The following PPP2R5A variants were observed in gnomAD, a reference collection of about 807,000 sequenced individuals.
The protein encoded by PPP2R5A is serine/threonine-protein phosphatase 2A 56 kDa regulatory subunit alpha isoform.
A neutral mutation model predicts 64.2 loss-of-function variants in PPP2R5A; 25 were observed. The observed-to-expected ratio is 0.39, with a 90% confidence interval of 0.28 to 0.54. The LOEUF (loss-of-function observed/expected upper bound fraction) is 0.54. PPP2R5A is among the 20% of genes least tolerant of loss of function. The probability of loss-of-function intolerance (pLI) is 0.67; values close to 1 mark genes in which losing one functional copy is unlikely to be tolerated. For missense variants in PPP2R5A, 425 were observed against 576.3 expected, an observed-to-expected ratio of 0.74 and a Z score of 2.69; for synonymous variants, 198 against 201.2, an observed-to-expected ratio of 0.98 and a Z score of 0.13.
At chr1:212,286,503 C>G (rs560049501) in intron 1 of PPP2R5A, among the ~76,000 whole-genome samples, 1 of 152,288 alleles carries the variant, frequency 6.6e-6, no homozygotes, top group East Asian at 1.9e-4. Context: ...CCTTCTAATT[C>G]CCACCTGAAC....
intron 4 of PPP2R5A, 95 bp downstream of exon 4, chr1:212,342,375 T>C (rs1659700492): frequency 7.0e-7 from 1 of 1,428,710 alleles, no homozygotes; most frequent in African/African-American, 1.4e-5. Flanking sequence ...AAAACTTTAA[T>C]GGTTTAATTT....
chr1:212,323,741 C>T (rs1659356312), intron 1 of PPP2R5A, among the ~76,000 whole-genome samples: 1 of 152,096 alleles, frequency 6.6e-6, no homozygotes, highest in Non-Finnish European at 1.5e-5. Context: ...TAGAGGAGAC[C>T]CAGGAGTTAG....
intron 3 of PPP2R5A, among the ~76,000 whole-genome samples, chr1:212,335,438 G>A (rs530157532): frequency 1.9e-4 from 28 of 149,930 alleles, no homozygotes; most frequent in African/African-American, 6.6e-4. Flanking sequence ...TTGCGCCATT[G>A]CACTCCAGCC....
chr1:212,348,062 A>G (rs701907), intron 6 of PPP2R5A, among the ~76,000 whole-genome samples: 126,682 of 152,150 alleles, frequency 0.83, 53,154 homozygotes, highest in African/African-American at 0.94. Context: ...AATATTGAAC[A>G]TTCTAACAAT....
chr1:212,311,841 C>CT (rs1447492727), intron 1 of PPP2R5A, among the ~76,000 whole-genome samples: 3 of 152,078 alleles, frequency 2.0e-5, no homozygotes, highest in Admixed American at 6.5e-5. Flanking sequence ...GTGTTTTAAG[C>CT]TATGTTATTG....
intron 1 of PPP2R5A, among the ~76,000 whole-genome samples, chr1:212,325,115 AC>A (rs1158339171): frequency 1.3e-5 from 2 of 152,116 alleles, no homozygotes; most frequent in Non-Finnish European, 2.9e-5. Flanking sequence ...TAAAAAGGAA[AC>A]CCTGCTCAGT....
At chr1:212,311,001 C>G (rs1239026301) in intron 1 of PPP2R5A, among the ~76,000 whole-genome samples, 1 of 152,134 alleles carries the variant, frequency 6.6e-6, no homozygotes, top group Non-Finnish European at 1.5e-5. Flanking sequence ...CAGTCATGTG[C>G]TGCATAACGA....
At chr1:212,300,771 C>T (rs181506872) in intron 1 of PPP2R5A, among the ~76,000 whole-genome samples, 57 of 151,962 alleles carry the variant, frequency 3.8e-4, no homozygotes, top group Non-Finnish European at 5.3e-4. Flanking sequence ...AAGTTTCTTA[C>T]GTTTAATGGA....
At chr1:212,327,859 G>A (rs1659434082) in intron 1 of PPP2R5A, among the ~76,000 whole-genome samples, 2 of 152,226 alleles carry the variant, frequency 1.3e-5, no homozygotes, top group South Asian at 4.1e-4. Flanking sequence ...CTGTTGCCCA[G>A]GCTGGAATGC....
intron 4 of PPP2R5A, among the ~76,000 whole-genome samples, chr1:212,345,450 T>C (rs774253388): frequency 3.6e-4 from 55 of 152,286 alleles, no homozygotes; most frequent in Non-Finnish European, 6.6e-4. Flanking sequence ...CTATGTAGTT[T>C]TGACGATCAA....
At chr1:212,332,483 A>G (rs553312831) in intron 2 of PPP2R5A, among the ~76,000 whole-genome samples, 2 of 152,350 alleles carry the variant, frequency 1.3e-5, no homozygotes, top group African/African-American at 4.8e-5. Flanking sequence ...TATTTACCTT[A>G]GTACTAAGAT....
Position 212,308,230 on chromosome 1 carries a change from A to G in PPP2R5A, c.182-20905A>G, listed in dbSNP as rs1043050235. ...CTCAGTTGTTTTTGCTAAGAAGTCA[A>G]TTGTTATCTTAGCCCTTGAAAGTAA... is the stretch of plus-strand genomic sequence containing the variant. On this transcript the variant is annotated intron_variant, in intron 1 of 12. Transcript: ENST00000261461. Among the ~76,000 whole-genome samples the G allele has an allele frequency of 3.9e-5, 6 of 152,060 alleles. No individual in the cohort carries two copies. The South Asian group carries it at 6.2e-4, about 16-fold the overall frequency.
intron 1 of PPP2R5A, among the ~76,000 whole-genome samples, chr1:212,304,754 A>T (rs1259336007): frequency 2.6e-4 from 37 of 143,882 alleles, no homozygotes; most frequent in Non-Finnish European, 4.3e-4. Flanking sequence ...TTTTTTGAGA[A>T]CAGAGTCTCA....
chr1:212,321,999 A>C (rs1307234040), intron 1 of PPP2R5A, among the ~76,000 whole-genome samples: 3 of 151,828 alleles, frequency 2.0e-5, no homozygotes, highest in Non-Finnish European at 4.4e-5. Flanking sequence ...CAGCCCGGCC[A>C]ACACAGCGAA....
chr1:212,356,831 C>A, intron 9 of PPP2R5A, 119 bp from the exon 10 acceptor site: 2 of 1,263,802 alleles, frequency 1.6e-6, no homozygotes, highest in South Asian at 1.6e-5. Flanking sequence ...TAAACTCTGC[C>A]ATCCAGACAT....
At chr1:212,345,982 T>G (rs760696228) in intron 5 of PPP2R5A, 49 bp downstream of exon 5, 4 of 1,502,066 alleles carry the variant, frequency 2.7e-6, no homozygotes, top group Non-Finnish European at 2.7e-6. Flanking sequence ...CTACATATCT[T>G]CTTGTATTCA....
rs1659457822 is a variant in PPP2R5A at position 212,329,193 on chromosome 1, A to C, written c.240A>C (p.Ile80=). 6.2e-6 allele frequency: 10 copies of C among 1,612,686 alleles called. No individual in the cohort carries two copies. Among genetic ancestry groups the C allele is most frequent in the Non-Finnish European group, 8.5e-6 (10 of 1,179,482 alleles). ...LFCQKLQQCC[I]LFDFMDSVSD... is the part of the protein sequence containing the mutation. ...GTCAGAAGTTGCAGCAGTGTTGTATACTGTTTGATTTCATGGACTCTGTTT... is the reference window on the plus strand; with the variant it reads ...GTCAGAAGTTGCAGCAGTGTTGTATCCTGTTTGATTTCATGGACTCTGTTT... The change falls in exon 2 of 13, where the codon ATA becomes ATC. Residue 80 remains isoleucine, a synonymous_variant. Transcript: ENST00000261461.
chr1:212,298,939 C>T lies in PPP2R5A; in HGVS notation c.181+12648C>T, dbSNP rs1215493654. On this transcript the variant is annotated intron_variant, in intron 1 of 12. Coordinates refer to ENST00000261461, the MANE Select transcript of PPP2R5A (RefSeq NM_006243.4). ...GCCGGGCGGGGGGTTGACCCCCCCA[C>T]CTCCCTCCTGGACGGGGCGACTGGC... Among the ~76,000 whole-genome samples, 15 of 21,868 alleles carry T rather than the reference C, an allele frequency of 6.9e-4. No homozygotes were observed. In the East Asian group the frequency reaches 0.011, roughly 16 times the overall value. The allele number at this position is 21,868 out of a possible 152,430, so 14.3% of individuals were successfully genotyped here. A position where few individuals can be genotyped will look rare whatever the true frequency, so the allele number is the denominator to read the frequency against.
chr1:212,355,022 C>T (rs1040558026), intron 8 of PPP2R5A, among the ~76,000 whole-genome samples: 3 of 152,104 alleles, frequency 2.0e-5, no homozygotes, highest in Non-Finnish European at 4.4e-5. Context: ...TTTCTTAGAA[C>T]GTATCCCCAT....
Sources: allele counts gnomAD v4.1 joint callset (sites outside exome capture counted in the v4.1 genomes callset), GRCh38; gene constraint gnomAD v4.1.1; transcripts MANE v1.5; gene names NCBI Gene and HGNC (gene_info 2026-07-23, HGNC 2026-07-21).